The following CACNA1B variants were observed in gnomAD, a reference collection of about 807,000 sequenced individuals.
CACNA1B encodes voltage-dependent N-type calcium channel subunit alpha-1B.
In CACNA1B, 70 loss-of-function variants were observed where a neutral mutation model predicts 247.2. The observed-to-expected ratio is 0.28, with a 90% CI of 0.23 to 0.35. CACNA1B has a LOEUF of 0.35. Among genes scored for constraint, CACNA1B ranks in the 10% least tolerant of loss-of-function variants. CACNA1B has a pLI of 1.00. For synonymous variants in CACNA1B, 1,231 were observed against 1,294.4 expected (o/e 0.95, Z 1.05); for missense variants, 2,367 against 3,197.4 (o/e 0.74, Z 6.26).
intron 5 of CACNA1B, among the ~76,000 whole-genome samples, chr9:137,916,384 T>G (rs941410227): frequency 1.3e-5 from 2 of 151,872 alleles, no homozygotes; most frequent in African/African-American, 4.8e-5. Context: ...TTTTTGAGAG[T>G]GAAGGGGGTA....
At position 138,057,419 on chromosome 9, in the gene CACNA1B, C is replaced by T. The variant is rs1429696451; in HGVS notation, c.3969-313C>T. Among the ~76,000 whole-genome samples the T allele has an allele frequency of 2.0e-5, 3 of 152,104 alleles. No homozygotes were observed. Among genetic ancestry groups the T allele is most frequent in the Admixed American group, 6.6e-5 (1 of 15,264 alleles). On this transcript the variant is annotated intron_variant, in intron 26 of 46. Coordinates refer to ENST00000371372, the MANE Select transcript of CACNA1B (RefSeq NM_000718.4). This position sits in a 1 kb window ranked among gnomAD's most constrained non-coding sequence, Gnocchi z 4.0. Reference sequence around the variant, plus strand: ...TTTATCTGTATTTTTTATTCTGTTGCTCATGATTTTGGTGTCACATCTAAG... The same window carrying T: ...TTTATCTGTATTTTTTATTCTGTTGTTCATGATTTTGGTGTCACATCTAAG...
intron 6 of CACNA1B, among the ~76,000 whole-genome samples, chr9:137,927,760 T>C (rs1468792188): frequency 6.6e-6 from 1 of 152,186 alleles, no homozygotes; most frequent in Admixed American, 6.5e-5. Context: ...TGAGTTGTTG[T>C]TTTTTCTTTT....
chr9:137,963,560 C>A (rs1564210340), intron 10 of CACNA1B, among the ~76,000 whole-genome samples: 1 of 152,110 alleles, frequency 6.6e-6, no homozygotes, highest in Non-Finnish European at 1.5e-5. Flanking sequence ...CCACACCTGG[C>A]TAATTTTTTT....
At chr9:138,074,606 G>A (rs1960250612) in intron 34 of CACNA1B, among the ~76,000 whole-genome samples, 2 of 152,236 alleles carry the variant, frequency 1.3e-5, no homozygotes, top group Non-Finnish European at 2.9e-5. Context: ...ACAAGATTGG[G>A]CTGCTTGCCC....
intron 3 of CACNA1B, among the ~76,000 whole-genome samples, chr9:137,893,548 G>T (rs1588987020): frequency 6.6e-6 from 1 of 151,670 alleles, no homozygotes; most frequent in East Asian, 1.9e-4. Flanking sequence ...TTACTCAGGG[G>T]GCTGAGGCAG....
intron 3 of CACNA1B, among the ~76,000 whole-genome samples, chr9:137,892,845 G>A (rs1206104238): frequency 1.3e-5 from 2 of 152,266 alleles, no homozygotes; most frequent in Non-Finnish European, 2.9e-5. Context: ...GACACTGCAG[G>A]CAGACAGGCA....
rs1279681445 is a variant in CACNA1B, at chr9:138,120,047, A to C, written c.6031-118A>C. On this transcript the variant is annotated intron_variant, in intron 44 of 46. Coordinates refer to ENST00000371372, the MANE Select transcript of CACNA1B (RefSeq NM_000718.4). ...AGGCCTGGGTCCTTCTGACTGTGAGACCAGGATGGGGGGCGTGTGGGCCTG... is the reference window on the plus strand; with the variant it reads ...AGGCCTGGGTCCTTCTGACTGTGAGCCCAGGATGGGGGGCGTGTGGGCCTG... 1.4e-5 allele frequency: 12 copies of C among 854,442 alleles called. No individual in the cohort carries two copies. In the East Asian group the frequency reaches 2.7e-4, roughly 19 times the overall value. 52.9% of individuals were successfully genotyped at this position (854,442 alleles called of 1,614,324 possible). A position where few individuals can be genotyped will look rare whatever the true frequency, so the allele number is the denominator to read the frequency against.
chr9:138,055,484 G>C (rs1959462080), intron 26 of CACNA1B, among the ~76,000 whole-genome samples: 1 of 152,022 alleles, frequency 6.6e-6, no homozygotes, highest in African/African-American at 2.4e-5. Flanking sequence ...TTTATGCTGA[G>C]TACTCTTTAT....
At chr9:137,946,473 T>G (rs1957797536) in intron 6 of CACNA1B, among the ~76,000 whole-genome samples, 1 of 151,426 alleles carries the variant, frequency 6.6e-6, no homozygotes, top group Non-Finnish European at 1.5e-5. Flanking sequence ...CAGAAAAGAG[T>G]CCTTCCCCCT....
rs376565948 is a variant in CACNA1B at position 137,888,251 on chromosome 9, G to A, written c.530+5368G>A. The stretch of plus-strand genomic sequence containing the variant: ...CGGGAAGCCCCGTGGTGCCTCCGGA[G>A]TCTGTCACCCATCGGCGCAGGTGCC... On this transcript the variant is annotated intron_variant, in intron 3 of 46. Coordinates refer to ENST00000371372, the MANE Select transcript of CACNA1B (RefSeq NM_000718.4). The surrounding 1 kb of genome is among the most constrained non-coding windows in gnomAD (Gnocchi z 4.7). Among the ~76,000 whole-genome samples the A allele has an allele frequency of 2.0e-5, 3 of 152,152 alleles. No individual in the cohort carries two copies. Among genetic ancestry groups the A allele is most frequent in the Non-Finnish European group, 1.5e-5 (1 of 67,960 alleles).
intron 22 of CACNA1B, 119 bp downstream of exon 22, chr9:138,047,152 C>G: frequency 1.0e-6 from 1 of 965,040 alleles, no homozygotes; most frequent in Non-Finnish European, 1.5e-6. Flanking sequence ...GGCACCCCTC[C>G]TTCCTCTGTC....
At chr9:138,036,877 G>A (rs556206513) in intron 20 of CACNA1B, among the ~76,000 whole-genome samples, 17 of 152,260 alleles carry the variant, frequency 1.1e-4, no homozygotes, top group African/African-American at 4.1e-4. Flanking sequence ...TATCATAGCT[G>A]TAGAGCATTA....
At position 137,877,802 on chromosome 9, in the gene CACNA1B, C is replaced by A. The variant is rs986133405; in HGVS notation, c.-132C>A. On this transcript the variant is annotated 5_prime_UTR_variant, in exon 1 of 47. Transcript: ENST00000371372. ...GAGTCGGGTGAGGCGGCGGCGGCTGCGGCGGTGGGGCCGGGCGAGGTCCGC... is the reference window on the plus strand; with the variant it reads ...GAGTCGGGTGAGGCGGCGGCGGCTGAGGCGGTGGGGCCGGGCGAGGTCCGC... 1.4e-5 allele frequency: 5 copies of A among 364,838 alleles called. No individual in the cohort carries two copies. The highest frequency in any genetic ancestry group is 8.9e-5 in the African/African-American group (4 of 44,822). The allele number at this position is 364,838 out of a possible 1,614,324, so 22.6% of individuals were successfully genotyped here.
chr9:138,101,061 C>T (rs761935019), intron 37 of CACNA1B: 1 of 500,040 alleles, frequency 2.0e-6, no homozygotes, highest in South Asian at 1.5e-5. Flanking sequence ...GGTCGGGCTC[C>T]ATCCTGCCTT....
chr9:138,106,166 C>T (rs1961418148), intron 39 of CACNA1B, among the ~76,000 whole-genome samples: 1 of 152,174 alleles, frequency 6.6e-6, no homozygotes, highest in African/African-American at 2.4e-5. Context: ...CCTTGGCCCC[C>T]TCCCATAGTG....
At chr9:138,009,074 A>G (rs1958690851) in intron 16 of CACNA1B, among the ~76,000 whole-genome samples, 1 of 152,202 alleles carries the variant, frequency 6.6e-6, no homozygotes, top group African/African-American at 2.4e-5. Context: ...GTTCAGGAAA[A>G]GGCTGCTTCC....
intron 3 of CACNA1B, among the ~76,000 whole-genome samples, chr9:137,912,371 A>G (rs2133276245): frequency 6.6e-6 from 1 of 152,280 alleles, no homozygotes; most frequent in East Asian, 1.9e-4. Flanking sequence ...AAGAGACCAC[A>G]CCCTTTAAAG....
At chr9:137,947,796 A>G (rs960212743) in intron 6 of CACNA1B, among the ~76,000 whole-genome samples, 4 of 148,872 alleles carry the variant, frequency 2.7e-5, no homozygotes, top group Admixed American at 6.7e-5. Flanking sequence ...CTGATGAGAA[A>G]CCATTTGAAT....
intron 3 of CACNA1B, among the ~76,000 whole-genome samples, chr9:137,897,315 C>T (rs184620961): frequency 1.3e-5 from 2 of 152,230 alleles, no homozygotes; most frequent in Admixed American, 6.5e-5. Flanking sequence ...TGCGGTGGCT[C>T]ATGGTTGTAA....
Sources: allele counts gnomAD v4.1 joint callset (sites outside exome capture counted in the v4.1 genomes callset), GRCh38; gene constraint gnomAD v4.1.1; non-coding constraint Gnocchi (gnomAD v3.1); transcripts MANE v1.5; gene names NCBI Gene and HGNC (gene_info 2026-07-23, HGNC 2026-07-21).